The following GRM5 variants were observed in gnomAD, a reference collection of about 807,000 sequenced individuals.
GRM5 encodes metabotropic glutamate receptor 5.
In GRM5, 19 loss-of-function variants were observed where a neutral mutation model predicts 83.1. The observed-to-expected ratio is 0.23, with a 90% CI of 0.16 to 0.34. The LOEUF (loss-of-function observed/expected upper bound fraction) is 0.34. Among genes scored for constraint, GRM5 ranks in the 10% least tolerant of loss-of-function variants. GRM5 has a pLI of 1.00. For synonymous variants in GRM5, 675 were observed against 633.6 expected (o/e 1.07, Z -0.98); for missense variants, 1,160 against 1,588.3 (o/e 0.73, Z 4.58).
chr11:88,629,456 T>C (rs1938898529), intron 4 of GRM5, among the ~76,000 whole-genome samples: 1 of 152,190 alleles, frequency 6.6e-6, no homozygotes, highest in Non-Finnish European at 1.5e-5. Flanking sequence ...TCTGTGAACA[T>C]GGCAGGCAAA....
At chr11:88,788,425 A>C (rs147975692) in intron 3 of GRM5, among the ~76,000 whole-genome samples, 1 of 152,186 alleles carries the variant, frequency 6.6e-6, no homozygotes, top group Non-Finnish European at 1.5e-5. Flanking sequence ...GTGTTAAAGC[A>C]CATGGAAAAA....
chr11:88,737,858 T>C (rs750743408), intron 3 of GRM5, among the ~76,000 whole-genome samples: 134 of 152,194 alleles, frequency 8.8e-4, no homozygotes, highest in Non-Finnish European at 1.5e-3. Flanking sequence ...ACTTTTTAAA[T>C]GTCATCAAGT....
intron 4 of GRM5, among the ~76,000 whole-genome samples, chr11:88,649,144 G>A (rs1336172431): frequency 7.3e-6 from 1 of 137,808 alleles, no homozygotes; most frequent in Non-Finnish European, 1.5e-5. Flanking sequence ...TGTAATATAT[G>A]TTTATTACAT....
chr11:88,689,906 A>ATT (rs148611004), intron 3 of GRM5, among the ~76,000 whole-genome samples: 2 of 150,210 alleles, frequency 1.3e-5, no homozygotes, highest in East Asian at 2.0e-4. Context: ...TTAAAAGAAC[A>ATT]TTTTTTTTTT....
intron 3 of GRM5, among the ~76,000 whole-genome samples, chr11:88,705,398 G>A (rs1259114478): frequency 6.6e-6 from 1 of 152,036 alleles, no homozygotes; most frequent in Non-Finnish European, 1.5e-5. Flanking sequence ...GTATTTTCTG[G>A]CTTTAGGATT....
rs1388587276 is a variant in GRM5 at position 89,047,810 on chromosome 11, C to G, written c.63G>C (p.Gln21His). The G allele has an allele frequency of 6.2e-7, 1 of 1,613,894 alleles. No homozygotes were observed. The change falls in exon 2 of 10, where the codon CAG becomes CAC. Residue 21 changes from glutamine (Q) to histidine (H), a missense_variant. Physicochemically the swap from Gln to His is conservative, Grantham distance 24 (BLOSUM62 0). Coordinates refer to ENST00000305447, the MANE Select transcript of GRM5 (RefSeq NM_001143831.3). The surrounding 1 kb of genome is among the most constrained non-coding windows in gnomAD (Gnocchi z 5.1). ...GAGCCACCACCCTCCTCTCACTGGA[C>G]TGTGCACTCCCACGGACATCTTCTT... ...LLKEDVRGSA[Q>H]SSERRVVAHM...
At chr11:88,924,977 G>A (rs1945760923) in intron 2 of GRM5, among the ~76,000 whole-genome samples, 1 of 151,822 alleles carries the variant, frequency 6.6e-6, no homozygotes, top group Admixed American at 6.6e-5. Context: ...TTTTGGGGGA[G>A]GGAAGCTGTA....
At chr11:88,718,798 G>A (rs1941460035) in intron 3 of GRM5, among the ~76,000 whole-genome samples, 1 of 151,870 alleles carries the variant, frequency 6.6e-6, no homozygotes, top group African/African-American at 2.4e-5. Flanking sequence ...CACCTTTATA[G>A]ACTAAAGGCT....
intron 2 of GRM5, among the ~76,000 whole-genome samples, chr11:88,993,775 G>A (rs894412783): frequency 6.6e-6 from 1 of 152,170 alleles, no homozygotes; most frequent in South Asian, 2.1e-4. Flanking sequence ...AGGCTGGAGT[G>A]CAGTGATGTA....
intron 3 of GRM5, among the ~76,000 whole-genome samples, chr11:88,714,787 T>C (rs558362525): frequency 1.3e-5 from 2 of 151,954 alleles, no homozygotes; most frequent in African/African-American, 2.4e-5. Flanking sequence ...TCTGTGAAGA[T>C]GCAAACTGCT....
chr11:88,793,124 A>T (rs1292159692), intron 3 of GRM5, among the ~76,000 whole-genome samples: 1 of 152,156 alleles, frequency 6.6e-6, no homozygotes, highest in Non-Finnish European at 1.5e-5. Flanking sequence ...AATTGATGAT[A>T]TGTATTACAG....
chr11:88,642,739 T>C (rs796826895), intron 4 of GRM5, among the ~76,000 whole-genome samples: 5 of 152,296 alleles, frequency 3.3e-5, no homozygotes, highest in African/African-American at 1.2e-4. Context: ...ATGAACAAAA[T>C]GAGCCAAGCT....
intron 9 of GRM5, among the ~76,000 whole-genome samples, chr11:88,516,382 A>G (rs1941520723): frequency 6.6e-6 from 1 of 152,134 alleles, no homozygotes; most frequent in Non-Finnish European, 1.5e-5. Flanking sequence ...AACAAGACAT[A>G]CCCCTGTGGA....
At chr11:88,739,948 G>A (rs1356073626) in intron 3 of GRM5, among the ~76,000 whole-genome samples, 1 of 151,954 alleles carries the variant, frequency 6.6e-6, no homozygotes, top group African/African-American at 2.4e-5. Context: ...TGTAGATTAG[G>A]CATTTATAGT....
Position 88,625,836 on chromosome 11 carries a change from C to G in GRM5, c.1148-20872G>C, listed in dbSNP as rs187238544. Among the ~76,000 whole-genome samples, 404 of 152,236 alleles carry G rather than the reference C, an allele frequency of 2.7e-3. 2 individuals are homozygous for G. The highest frequency in any genetic ancestry group is 9.5e-3 in the African/African-American group (396 of 41,542). On this transcript the variant is annotated intron_variant, in intron 4 of 9. Transcript: ENST00000305447. ...AAAAATCAGACAAACAGCAACAACA[C>G]AAATCCAAACTCTTCCTAGAAAAGA...
rs562991556 is a variant in GRM5 at position 88,767,836 on chromosome 11, A to T, written c.911+82070T>A. On this transcript the variant is annotated intron_variant, in intron 3 of 9. Coordinates refer to ENST00000305447, the MANE Select transcript of GRM5 (RefSeq NM_001143831.3). ...GTACCCCAGAACCTAAAAAAAAATTAAAGATGCTTAGCATAATTAATCATT... is the reference window on the plus strand; with the variant it reads ...GTACCCCAGAACCTAAAAAAAAATTTAAGATGCTTAGCATAATTAATCATT... 2.6e-5 allele frequency among the ~76,000 whole-genome samples: 4 copies of T among 152,100 alleles called. No individual in the cohort carries two copies. In the East Asian group the frequency reaches 7.7e-4, roughly 29 times the overall value.
intron 9 of GRM5, among the ~76,000 whole-genome samples, chr11:88,519,931 A>T (rs1941632564): frequency 6.6e-6 from 1 of 152,162 alleles, no homozygotes; most frequent in Admixed American, 6.5e-5. Flanking sequence ...GCTATAATAT[A>T]ATCTGACGTT....
At chr11:88,762,895 T>C (rs2135440353) in intron 3 of GRM5, among the ~76,000 whole-genome samples, 1 of 152,070 alleles carries the variant, frequency 6.6e-6, no homozygotes, top group Middle Eastern at 3.4e-3. Flanking sequence ...CTGGAGGTCA[T>C]TATCCTTAGC....
chr11:88,606,855 T>G (rs1291984461), intron 4 of GRM5, among the ~76,000 whole-genome samples: 1 of 149,456 alleles, frequency 6.7e-6, no homozygotes, highest in African/African-American at 2.4e-5. Context: ...AGGAAGAGTG[T>G]GGTTAAAAAA....
Sources: allele counts gnomAD v4.1 joint callset (sites outside exome capture counted in the v4.1 genomes callset), GRCh38; gene constraint gnomAD v4.1.1; non-coding constraint Gnocchi (gnomAD v3.1); transcripts MANE v1.5; gene names NCBI Gene and HGNC (gene_info 2026-07-23, HGNC 2026-07-21).